The following CEP128 variants were observed in gnomAD, a reference collection of about 807,000 sequenced individuals.
CEP128 encodes centrosomal protein 128.
A neutral mutation model predicts 156.7 loss-of-function variants in CEP128; 132 were observed. That is an observed-to-expected ratio of 0.84 (90% confidence interval 0.73 to 0.97). The LOEUF (loss-of-function observed/expected upper bound fraction) is 0.97. Ranked by LOEUF, CEP128 falls within the 50% of genes least tolerant of loss-of-function variation. The pLI is 0.00. For missense variants in CEP128, 1,252 were observed against 1,281.9 expected (o/e 0.98, Z 0.36); for synonymous variants, 469 against 448.9 (o/e 1.04, Z -0.57).
chr14:80,657,543 C>T (rs1420724039), intron 19 of CEP128, among the ~76,000 whole-genome samples: 8 of 151,598 alleles, frequency 5.3e-5, no homozygotes, highest in African/African-American at 1.7e-4. Context: ...CCCAGGTACT[C>T]GGGAGGATGA....
chr14:80,511,049 G>A (rs1322900751), intron 23 of CEP128, among the ~76,000 whole-genome samples: 3 of 88,164 alleles, frequency 3.4e-5, no homozygotes, highest in Non-Finnish European at 5.2e-5. Flanking sequence ...ATATTGGCCT[G>A]TGGGTTTTTT....
intron 13 of CEP128, among the ~76,000 whole-genome samples, chr14:80,803,151 G>T (rs1883973819): frequency 6.6e-6 from 1 of 152,140 alleles, no homozygotes; most frequent in African/African-American, 2.4e-5. Flanking sequence ...AGAACCACAG[G>T]GCATAGTAGG....
At chr14:80,647,719 G>A (rs1368760152) in intron 19 of CEP128, among the ~76,000 whole-genome samples, 1 of 152,034 alleles carries the variant, frequency 6.6e-6, no homozygotes, top group Non-Finnish European at 1.5e-5. Context: ...AGCCTACAAC[G>A]TGCAGTATAG....
chr14:80,714,432 C>T (rs1448329212), intron 19 of CEP128, among the ~76,000 whole-genome samples: 1 of 152,054 alleles, frequency 6.6e-6, no homozygotes, highest in Non-Finnish European at 1.5e-5. Context: ...GCTAAAAGGC[C>T]ATTATGTACA....
chr14:80,780,255 C>T (rs1901033409), intron 15 of CEP128, among the ~76,000 whole-genome samples: 1 of 152,052 alleles, frequency 6.6e-6, no homozygotes, highest in African/African-American at 2.4e-5. Flanking sequence ...ATTTATAGAG[C>T]TACTTGTCTA....
At position 80,810,323 on chromosome 14, in the gene CEP128, C is replaced by CAAAAAAAAAAAAAAAAAAA. The variant is rs71103883; in HGVS notation, c.1210-17232_1210-17214dup. 3.3e-4 allele frequency among the ~76,000 whole-genome samples: 5 copies of CAAAAAAAAAAAAAAAAAAA among 15,206 alleles called. 1 individual carries two copies. Among genetic ancestry groups the CAAAAAAAAAAAAAAAAAAA allele is most frequent in the Non-Finnish European group, 5.3e-4 (4 of 7,602 alleles). The allele number at this position is 15,206 out of a possible 152,430, so 10.0% of individuals were successfully genotyped here. A position where few individuals can be genotyped will look rare whatever the true frequency, so the allele number is the denominator to read the frequency against. ...GGGCGACAGAGCAAGACTCCATCTCCAAAAAAAAAAAAAAAAAAAAAAAAA... is the reference window on the plus strand; with the variant it reads ...GGGCGACAGAGCAAGACTCCATCTCCAAAAAAAAAAAAAAAAAAAAAAAAAAAAAAAAAAAAAAAAAAAA... On this transcript the variant is annotated intron_variant, in intron 13 of 24. Coordinates refer to ENST00000555265, the MANE Select transcript of CEP128 (RefSeq NM_152446.5).
chr14:80,648,262 A>T (rs1483344167), intron 19 of CEP128, among the ~76,000 whole-genome samples: 1 of 151,992 alleles, frequency 6.6e-6, no homozygotes, highest in Non-Finnish European at 1.5e-5. Context: ...TGATTAATGA[A>T]GTAAACCCTG....
intron 19 of CEP128, among the ~76,000 whole-genome samples, chr14:80,690,133 G>A (rs919806622): frequency 2.0e-5 from 3 of 151,834 alleles, no homozygotes; most frequent in Non-Finnish European, 2.9e-5. Flanking sequence ...TGGGCAGGGC[G>A]TGGTGGCTCA....
rs146470378 is a variant in CEP128, at chr14:80,843,930, CAT to C, written c.763-3164_763-3163del. On this transcript the variant is annotated intron_variant, in intron 9 of 24. Transcript: ENST00000555265. Reference sequence around the variant, plus strand: ...GCCATCAAACATCAATAAAATAATACATATTTTTAAAAGGACTCTATGCATAA... The same window carrying C: ...GCCATCAAACATCAATAAAATAATACATTTTTAAAAGGACTCTATGCATAA... Among the ~76,000 whole-genome samples, 1,223 of 152,034 alleles carry C rather than the reference CAT, an allele frequency of 8.0e-3. 17 individuals are homozygous for C. The highest frequency in any genetic ancestry group is 0.027 in the African/African-American group (1,115 of 41,496).
At chr14:80,517,528 A>T (rs1888544674) in intron 23 of CEP128, among the ~76,000 whole-genome samples, 1 of 152,146 alleles carries the variant, frequency 6.6e-6, no homozygotes, top group African/African-American at 2.4e-5. Flanking sequence ...TATTTGGGAA[A>T]TTTTTAGGTA....
At chr14:80,953,948 TAAC>T (rs935828571) in intron 2 of CEP128, among the ~76,000 whole-genome samples, 9 of 152,128 alleles carry the variant, frequency 5.9e-5, no homozygotes, top group Non-Finnish European at 1.3e-4. Flanking sequence ...ATTTGTTCCA[TAAC>T]AATACCATGG....
At chr14:80,917,887 T>C (rs1244607743) in intron 2 of CEP128, among the ~76,000 whole-genome samples, 1 of 152,228 alleles carries the variant, frequency 6.6e-6, no homozygotes, top group Non-Finnish European at 1.5e-5. Flanking sequence ...TTAGGTTTTT[T>C]TTAAATGAAA....
chr14:80,487,906 T>C (rs533363547), downstream of CEP128, among the ~76,000 whole-genome samples: 1 of 151,926 alleles, frequency 6.6e-6, no homozygotes, highest in African/African-American at 2.4e-5. Context: ...TAGCAGTAAA[T>C]GCCCACAAGA....
At chr14:80,531,900 T>G (rs758644553) in intron 21 of CEP128, among the ~76,000 whole-genome samples, 19 of 152,064 alleles carry the variant, frequency 1.2e-4, no homozygotes, top group Non-Finnish European at 2.5e-4. Context: ...AACCTGAGCG[T>G]TCCCCCTTCT....
intron 19 of CEP128, among the ~76,000 whole-genome samples, chr14:80,692,180 T>C (rs1227381094): frequency 6.6e-6 from 1 of 152,160 alleles, no homozygotes; most frequent in East Asian, 1.9e-4. Context: ...GATCAGCATA[T>C]TGTTAAACTG....
chr14:80,527,131 C>T lies in CEP128; in HGVS notation c.2959-149G>A, dbSNP rs1196922463. 2.3e-5 allele frequency: 13 copies of T among 557,476 alleles called. No homozygotes were observed. In the East Asian group the frequency reaches 3.6e-4, roughly 15 times the overall value. The allele number at this position is 557,476 out of a possible 1,614,324, so 34.5% of individuals were successfully genotyped here. A position where few individuals can be genotyped will look rare whatever the true frequency, so the allele number is the denominator to read the frequency against. ...GATATATAGGAGAATCACAGGCCAC[C>T]ATAGAGAAAGAAGAAGGCTACACAC... On this transcript the variant is annotated intron_variant, in intron 22 of 24. Coordinates refer to ENST00000555265, the MANE Select transcript of CEP128 (RefSeq NM_152446.5).
At chr14:80,579,118 A>T (rs1891480906) in intron 20 of CEP128, among the ~76,000 whole-genome samples, 1 of 152,238 alleles carries the variant, frequency 6.6e-6, no homozygotes, top group South Asian at 2.1e-4. Context: ...GGCCAGACAT[A>T]TACTCAATAA....
chr14:80,619,373 C>CAG lies in CEP128; in HGVS notation c.2807-38951_2807-38950insCT, dbSNP rs753765308. On this transcript the variant is annotated intron_variant, in intron 19 of 24. Coordinates refer to ENST00000555265, the MANE Select transcript of CEP128 (RefSeq NM_152446.5). ...AATGATTTAAAGACACACAGACACACACACACACACACACACACACACACA... is the reference window on the plus strand; with the variant it reads ...AATGATTTAAAGACACACAGACACACAGACACACACACACACACACACACACA... Among the ~76,000 whole-genome samples, 45 of 148,786 alleles carry CAG rather than the reference C, an allele frequency of 3.0e-4. No homozygotes were observed. In the South Asian group the frequency reaches 3.1e-3, roughly 10 times the overall value.
intron 19 of CEP128, among the ~76,000 whole-genome samples, chr14:80,605,276 G>A (rs1892732628): frequency 6.6e-6 from 1 of 152,004 alleles, no homozygotes; most frequent in Admixed American, 6.6e-5. Context: ...GGCTCAATGT[G>A]TATGAGTAAT....
Sources: gnomAD v4.1 joint callset for allele counts (sites outside exome capture counted in the v4.1 genomes callset) on GRCh38, gnomAD v4.1.1 for gene constraint, MANE v1.5 for transcripts, NCBI Gene and HGNC (gene_info 2026-07-23, HGNC 2026-07-21) for gene names.